OSBPL3: variants seen among roughly 807,000 people sequenced by gnomAD.
OSBPL3 encodes the protein oxysterol binding protein like 3.
A neutral mutation model predicts 120.1 loss-of-function variants in OSBPL3; 65 were observed. That is an observed-to-expected ratio of 0.54 (90% CI 0.44 to 0.67). The LOEUF is 0.67. Among genes scored for constraint, OSBPL3 ranks in the 30% least tolerant of loss-of-function variants. OSBPL3 has a pLI of 0.00. For synonymous variants in OSBPL3, 416 were observed against 402.6 expected (o/e 1.03, Z -0.40); for missense variants, 1,004 against 1,082.1 (o/e 0.93, Z 1.01).
chr7:24,950,239 C>T (rs963463847), intron 1 of OSBPL3, among the ~76,000 whole-genome samples: 1 of 152,076 alleles, frequency 6.6e-6, no homozygotes, highest in Non-Finnish European at 1.5e-5. Context: ...CATGTGCATA[C>T]AAAAATACAC....
intron 1 of OSBPL3, among the ~76,000 whole-genome samples, chr7:24,973,504 A>G (rs1053302285): frequency 2.6e-5 from 4 of 152,192 alleles, no homozygotes; most frequent in Non-Finnish European, 4.4e-5. Context: ...TTTCAGGGGT[A>G]CAAACAATGT....
chr7:24,882,183 A>G (rs372404269), intron 2 of OSBPL3, among the ~76,000 whole-genome samples: 7 of 152,164 alleles, frequency 4.6e-5, no homozygotes, highest in African/African-American at 7.2e-5. Flanking sequence ...ATAGTGGTCA[A>G]GTCAGGGCTT....
At chr7:24,882,471 G>A (rs1362170878) in intron 2 of OSBPL3, among the ~76,000 whole-genome samples, 2 of 152,122 alleles carry the variant, frequency 1.3e-5, no homozygotes, top group African/African-American at 2.4e-5. Context: ...TTCCATGTGT[G>A]TATATATTTT....
chr7:24,892,005 G>A (rs1805422603), intron 2 of OSBPL3, among the ~76,000 whole-genome samples: 1 of 152,120 alleles, frequency 6.6e-6, no homozygotes, highest in Admixed American at 6.5e-5. Flanking sequence ...GGAAAGTGTG[G>A]GCTCTGAAGC....
Position 24,937,959 on chromosome 7 carries a change from A to G in OSBPL3, c.-150+41927T>C, listed in dbSNP as rs1326644065. 6.6e-6 allele frequency among the ~76,000 whole-genome samples: 1 copy of G among 152,242 alleles called. No individual in the cohort carries two copies. The highest frequency in any genetic ancestry group is 1.5e-5 in the Non-Finnish European group (1 of 68,034). On this transcript the variant is annotated intron_variant, in intron 1 of 22. Transcript: ENST00000313367. The surrounding 1 kb of genome is among the most constrained non-coding windows in gnomAD (Gnocchi z 4.0). ...GTGGACAGTGAAGGACAGAGAAGAA[A>G]ACTATGGAGTGTTCTGCTTGGGTAA... is the stretch of plus-strand genomic sequence containing the variant.
intron 12 of OSBPL3, among the ~76,000 whole-genome samples, chr7:24,848,778 A>G (rs1319796178): frequency 7.8e-6 from 1 of 127,956 alleles, no homozygotes; most frequent in Non-Finnish European, 1.7e-5. Context: ...TTCCCACTCC[A>G]GTACCACTAG....
At chr7:24,837,667 A>G (rs1797181128) in intron 14 of OSBPL3, among the ~76,000 whole-genome samples, 1 of 152,256 alleles carries the variant, frequency 6.6e-6, no homozygotes, top group South Asian at 2.1e-4. Flanking sequence ...GCAGTCTTCT[A>G]AGCATTTCAC....
chr7:24,953,228 TTTAA>T lies in OSBPL3; in HGVS notation c.-150+26654_-150+26657del, dbSNP rs1348232517. ...CACTTAAGTAGTTTTGCTTCATCAC[TTTAA>T]TTATTCTGGCAACCCATCTATAGTT... On this transcript the variant is annotated intron_variant, in intron 1 of 22. Coordinates refer to ENST00000313367, the MANE Select transcript of OSBPL3 (RefSeq NM_015550.4). The surrounding 1 kb of genome is among the most constrained non-coding windows in gnomAD (Gnocchi z 4.3). Among the ~76,000 whole-genome samples the T allele has an allele frequency of 2.0e-5, 3 of 152,226 alleles. No individual in the cohort carries two copies. Among genetic ancestry groups the T allele is most frequent in the Non-Finnish European group, 4.4e-5 (3 of 68,036 alleles).
chr7:24,885,638 T>C (rs993954387), intron 2 of OSBPL3, among the ~76,000 whole-genome samples: 1 of 152,226 alleles, frequency 6.6e-6, no homozygotes, highest in Non-Finnish European at 1.5e-5. Flanking sequence ...CTAACTTCTA[T>C]GCCAAATGCT....
At position 24,866,051 on chromosome 7, in the gene OSBPL3, T is replaced by C. The variant is rs746588552; in HGVS notation, c.549+19A>G. 3.4e-5 allele frequency: 55 copies of C among 1,603,778 alleles called. 1 individual carries two copies. The highest frequency in any genetic ancestry group is 2.8e-4 in the South Asian group (25 of 90,774). ...AGCCACCCCGTTCTCAGATTCATTATTGGCAAAACACTCATTACCTTCCTA... is the reference window on the plus strand; with the variant it reads ...AGCCACCCCGTTCTCAGATTCATTACTGGCAAAACACTCATTACCTTCCTA... On this transcript the variant is annotated intron_variant, in intron 6 of 22. Coordinates refer to ENST00000313367, the MANE Select transcript of OSBPL3 (RefSeq NM_015550.4).
intron 10 of OSBPL3, among the ~76,000 whole-genome samples, chr7:24,859,857 T>C (rs1157441394): frequency 1.3e-5 from 2 of 152,226 alleles, no homozygotes; most frequent in Admixed American, 6.5e-5. Flanking sequence ...TATTCTATTA[T>C]ATTACGTTTT....
At chr7:24,911,274 T>A (rs1250787510) in intron 1 of OSBPL3, among the ~76,000 whole-genome samples, 7 of 152,172 alleles carry the variant, frequency 4.6e-5, no homozygotes, top group Non-Finnish European at 8.8e-5. Flanking sequence ...ATTTTATCAG[T>A]GGGTGTTATT....
chr7:24,811,800 T>C (rs1793835143), intron 19 of OSBPL3, among the ~76,000 whole-genome samples: 1 of 152,238 alleles, frequency 6.6e-6, no homozygotes, highest in South Asian at 2.1e-4. Context: ...CAAAAACCAA[T>C]TAATTATAAA....
rs1243299638 is a variant in OSBPL3 at position 24,854,542 on chromosome 7, A to T, written c.1028-1908T>A. The stretch of plus-strand genomic sequence containing the variant: ...CACACACACACACACACACACAAAC[A>T]CACACAATGGTGCTGCCTCTGCCAA... On this transcript the variant is annotated intron_variant, in intron 10 of 22. Transcript: ENST00000313367. The surrounding 1 kb of genome is among the most constrained non-coding windows in gnomAD (Gnocchi z 4.1). Among the ~76,000 whole-genome samples the T allele has an allele frequency of 1.3e-5, 2 of 151,054 alleles. No homozygotes were observed. Among genetic ancestry groups the T allele is most frequent in the Admixed American group, 6.6e-5 (1 of 15,084 alleles).
In OSBPL3 at chr7:24,834,476, G is replaced by A; in HGVS notation, c.1746+10C>T. The stretch of plus-strand genomic sequence containing the variant: ...GGCTGGACAGTGGCAAGGGAAGGCT[G>A]ACTCCTCACCATCCTTTCCAGGGGG... On this transcript the variant is annotated intron_variant, in intron 15 of 22. Coordinates refer to ENST00000313367, the MANE Select transcript of OSBPL3 (RefSeq NM_015550.4). The surrounding 1 kb of genome is among the most constrained non-coding windows in gnomAD (Gnocchi z 5.2). The A allele has an allele frequency of 6.2e-7, 1 of 1,603,500 alleles. No individual in the cohort carries two copies. Among genetic ancestry groups the A allele is most frequent in the Non-Finnish European group, 8.5e-7 (1 of 1,173,942 alleles).
At chr7:24,925,001 A>G (rs1810865988) in intron 1 of OSBPL3, among the ~76,000 whole-genome samples, 1 of 152,154 alleles carries the variant, frequency 6.6e-6, no homozygotes, top group South Asian at 2.1e-4. Flanking sequence ...GCAATTCATC[A>G]TTTTTATATG....
Position 24,855,621 on chromosome 7 carries a change from C to G in OSBPL3, c.1028-2987G>C, listed in dbSNP as rs1799746926. ...GGACATTAAAATAGTCATTCACAGCCACCTAATGATCTGCCACACACAGGG... is the reference window on the plus strand; with the variant it reads ...GGACATTAAAATAGTCATTCACAGCGACCTAATGATCTGCCACACACAGGG... On this transcript the variant is annotated intron_variant, in intron 10 of 22. Transcript: ENST00000313367. The surrounding 1 kb of genome is among the most constrained non-coding windows in gnomAD (Gnocchi z 4.3). Among the ~76,000 whole-genome samples the G allele has an allele frequency of 6.6e-6, 1 of 152,160 alleles. No homozygotes were observed.
chr7:24,806,819 A>T lies in OSBPL3; in HGVS notation c.2401T>A (p.Ser801Thr). 1 of 1,613,962 alleles carries T rather than the reference A, an allele frequency of 6.2e-7. No homozygotes were observed. Among genetic ancestry groups the T allele is most frequent in the Non-Finnish European group, 8.5e-7 (1 of 1,179,838 alleles). The stretch of plus-strand genomic sequence containing the variant: ...CGAGTGTCAGTAGGTGGCAATAAAG[A>T]CTTTGATGATGGATCCATTTCATTT... ...ELNEMDPSSK[S>T]LLPPTDTRFR... The change falls in exon 21 of 23, where the codon TCT becomes ACT. Residue 801 changes from serine (S) to threonine (T), a missense_variant. By Grantham distance (58) the Ser-to-Thr change is moderately conservative (BLOSUM62 1). This residue lies in a region of OSBPL3 where 473 missense variants were observed against 568.0 expected (regional missense o/e 0.83). Coordinates refer to ENST00000313367, the MANE Select transcript of OSBPL3 (RefSeq NM_015550.4). This position sits in a 1 kb window ranked among gnomAD's most constrained non-coding sequence, Gnocchi z 5.2.
chr7:24,857,742 G>A (rs957509601), intron 10 of OSBPL3, among the ~76,000 whole-genome samples: 25 of 152,268 alleles, frequency 1.6e-4, no homozygotes, highest in East Asian at 3.9e-4. Context: ...GAATAGGGGG[G>A]AAGATTCCCA....
Sources: gnomAD v4.1 joint callset for allele counts (sites outside exome capture counted in the v4.1 genomes callset) on GRCh38, gnomAD v4.1.1 for gene constraint, gnomAD v4.1.1 regional missense constraint, Gnocchi (gnomAD v3.1) non-coding constraint, MANE v1.5 for transcripts, NCBI Gene and HGNC (gene_info 2026-07-23, HGNC 2026-07-21) for gene names.